Variants in ERBB4 observed in about 807,000 individuals in gnomAD.
ERBB4 encodes the protein erb-b2 receptor tyrosine kinase 4.
A neutral mutation model predicts 158.0 loss-of-function variants in ERBB4; 42 were observed. The observed-to-expected ratio is 0.27, with a 90% CI of 0.21 to 0.34. The LOEUF (loss-of-function observed/expected upper bound fraction) is 0.34. Among genes scored for constraint, ERBB4 ranks in the 10% least tolerant of loss-of-function variants. The pLI is 1.00. For synonymous variants in ERBB4, 583 were observed against 558.7 expected (o/e 1.04, Z -0.61); for missense variants, 1,333 against 1,624.1 (o/e 0.82, Z 3.08).
At chr2:212,255,553 G>A (rs1475233459) in intron 1 of ERBB4, among the ~76,000 whole-genome samples, 1 of 152,082 alleles carries the variant, frequency 6.6e-6, no homozygotes, top group African/African-American at 2.4e-5. Context: ...TAACCAAAAT[G>A]CTTGGGGCTG....
At position 211,925,376 on chromosome 2, in the gene ERBB4, C is replaced by CTTTT. The variant is rs71054150; in HGVS notation, c.421+22050_421+22053dup. Among the ~76,000 whole-genome samples, 321 of 81,570 alleles carry CTTTT rather than the reference C, an allele frequency of 3.9e-3. 6 individuals carry two copies. The highest frequency in any genetic ancestry group is 0.011 in the Middle Eastern group (1 of 90). 53.5% of individuals were successfully genotyped at this position (81,570 alleles called of 152,430 possible). A position where few individuals can be genotyped will look rare whatever the true frequency, so the allele number is the denominator to read the frequency against. On this transcript the variant is annotated intron_variant, in intron 3 of 27. Coordinates refer to ENST00000342788, the MANE Select transcript of ERBB4 (RefSeq NM_005235.3). Reference sequence around the variant, plus strand: ...CATATTTGAAACAAAAACAAGACTGCTTTTTTTTTTTTTTTTTTTTTTTTG... The same window carrying CTTTT: ...CATATTTGAAACAAAAACAAGACTGCTTTTTTTTTTTTTTTTTTTTTTTTTTTTG...
chr2:212,076,303 C>T (rs1267485427), intron 2 of ERBB4, among the ~76,000 whole-genome samples: 1 of 151,652 alleles, frequency 6.6e-6, no homozygotes, highest in East Asian at 1.9e-4. Context: ...AATTATCTTC[C>T]ATGTAAAGAG....
chr2:211,867,024 CAAAAAAAAAAAAA>C lies in ERBB4; in HGVS notation c.422-78878_422-78866del, dbSNP rs386392490. 9.6e-4 allele frequency among the ~76,000 whole-genome samples: 58 copies of C among 60,634 alleles called. No homozygotes were observed. The South Asian group carries it at 0.037, about 39-fold the overall frequency. 39.8% of individuals were successfully genotyped at this position (60,634 alleles called of 152,430 possible). On this transcript the variant is annotated intron_variant, in intron 3 of 27. Transcript: ENST00000342788. ...TATTAAACTCTCCATTCCTTAAAAC[CAAAAAAAAAAAAA>C]AAAAAAAAAAAAAAGATCGTGTTCT...
At chr2:212,500,932 A>T (rs2106239117) in intron 1 of ERBB4, among the ~76,000 whole-genome samples, 1 of 152,110 alleles carries the variant, frequency 6.6e-6, no homozygotes, top group East Asian at 1.9e-4. Context: ...TCAATATACT[A>T]ACTCTGTTCT....
intron 2 of ERBB4, among the ~76,000 whole-genome samples, chr2:211,997,494 T>C (rs1439464473): frequency 6.6e-6 from 1 of 152,168 alleles, no homozygotes; most frequent in African/African-American, 2.4e-5. Context: ...CTTAAATGTT[T>C]ATAAATAATA....
intron 1 of ERBB4, among the ~76,000 whole-genome samples, chr2:212,312,369 T>G (rs1219131751): frequency 2.6e-5 from 4 of 151,006 alleles, no homozygotes; most frequent in African/African-American, 4.8e-5. Context: ...TTTTCAAGAC[T>G]CATTGAATTA....
intron 18 of ERBB4, among the ~76,000 whole-genome samples, chr2:211,623,678 G>GA (rs1161174351): frequency 6.6e-6 from 1 of 152,046 alleles, no homozygotes; most frequent in African/African-American, 2.4e-5. Context: ...AAGGTATTAA[G>GA]AAAAAAACTA....
At chr2:212,110,564 TA>T (rs1401261321) in intron 2 of ERBB4, among the ~76,000 whole-genome samples, 1 of 152,316 alleles carries the variant, frequency 6.6e-6, no homozygotes, top group East Asian at 1.9e-4. Flanking sequence ...ACCACCACAC[TA>T]AGGCGAAGTC....
intron 20 of ERBB4, among the ~76,000 whole-genome samples, chr2:211,517,971 A>G (rs1397564254): frequency 6.6e-6 from 1 of 152,000 alleles, no homozygotes; most frequent in African/African-American, 2.4e-5. Flanking sequence ...CCATCACTTC[A>G]TTTCTTTATT....
chr2:212,096,041 T>A (rs910664620), intron 2 of ERBB4, among the ~76,000 whole-genome samples: 3 of 151,822 alleles, frequency 2.0e-5, no homozygotes, highest in Non-Finnish European at 2.9e-5. Context: ...TGTTCTAATA[T>A]TTTGATCAAA....
Position 212,026,621 on chromosome 2 carries a change from T to C in ERBB4, c.235-79005A>G, listed in dbSNP as rs567421626. ...TATTAAAAATCAGTGTACATGATGC[T>C]AAATGGTGGGCACAATCTTTCAAAA... On this transcript the variant is annotated intron_variant, in intron 2 of 27. Coordinates refer to ENST00000342788, the MANE Select transcript of ERBB4 (RefSeq NM_005235.3). 1.6e-4 allele frequency among the ~76,000 whole-genome samples: 25 copies of C among 152,062 alleles called. No homozygotes were observed. In the South Asian group the frequency reaches 5.0e-3, roughly 30 times the overall value.
At chr2:212,530,765 G>A (rs555218033) in intron 1 of ERBB4, among the ~76,000 whole-genome samples, 7 of 152,124 alleles carry the variant, frequency 4.6e-5, no homozygotes, top group Non-Finnish European at 8.8e-5. Context: ...ACCTATACTA[G>A]AAGCACATGG....
rs570729030 is a variant in ERBB4, at chr2:211,947,376, A to G, written c.421+54T>C. 23 of 1,393,706 alleles carry G rather than the reference A, an allele frequency of 1.7e-5. No individual in the cohort carries two copies. The South Asian group carries it at 1.7e-4, about 11-fold the overall frequency. The allele number at this position is 1,393,706 out of a possible 1,614,324, so 86.3% of individuals were successfully genotyped here. ...ATATGACAGTAACCCTACATATACAATTGCCTTATATTGATAATGAAAGCA... is the reference window on the plus strand; with the variant it reads ...ATATGACAGTAACCCTACATATACAGTTGCCTTATATTGATAATGAAAGCA... On this transcript the variant is annotated intron_variant, in intron 3 of 27. Transcript: ENST00000342788.
intron 1 of ERBB4, among the ~76,000 whole-genome samples, chr2:212,153,689 A>G (rs1186084933): frequency 3.3e-5 from 5 of 152,142 alleles, no homozygotes; most frequent in African/African-American, 7.2e-5. Context: ...CTAACCTAAT[A>G]TTATAATTTG....
intron 10 of ERBB4, among the ~76,000 whole-genome samples, chr2:211,705,025 T>C (rs1383311516): frequency 6.6e-5 from 10 of 152,244 alleles, no homozygotes; most frequent in Admixed American, 2.0e-4. Flanking sequence ...AGCGTGATCT[T>C]GGCTCACTGC....
chr2:211,561,935 G>C lies in ERBB4; in HGVS notation c.2455C>G (p.Leu819Val), dbSNP rs778661906. ...ATCTGGACACACCAGTTAAGCAGCA[G>C]TTGTGATCCAATGTTATCCTTGTGC... ...HEHKDNIGSQ[L>V]LLNWCVQIAK... Residue 819 changes from leucine (L) to valine (V), a missense_variant, in exon 20 of 28, where the codon CTG becomes GTG. Transcript: ENST00000342788. 6.2e-7 allele frequency: 1 copy of C among 1,614,126 alleles called. No homozygotes were observed. Among genetic ancestry groups the C allele is most frequent in the East Asian group, 2.2e-5 (1 of 44,884 alleles).
At chr2:212,048,263 T>C (rs897352642) in intron 2 of ERBB4, among the ~76,000 whole-genome samples, 6 of 152,182 alleles carry the variant, frequency 3.9e-5, no homozygotes, top group Middle Eastern at 3.2e-3. Flanking sequence ...TTACTTTAAG[T>C]GCAATGGGAA....
At chr2:211,808,230 G>A (rs2076664872) in intron 3 of ERBB4, among the ~76,000 whole-genome samples, 1 of 152,104 alleles carries the variant, frequency 6.6e-6, no homozygotes, top group South Asian at 2.1e-4. Flanking sequence ...GTATTGCCTA[G>A]GTTTTCTCCT....
chr2:211,484,896 C>T (rs2125556421), intron 20 of ERBB4, among the ~76,000 whole-genome samples: 1 of 152,294 alleles, frequency 6.6e-6, no homozygotes, highest in East Asian at 1.9e-4. Flanking sequence ...CATGTATCCT[C>T]ACAACCTGGA....
Sources: allele counts gnomAD v4.1 joint callset (sites outside exome capture counted in the v4.1 genomes callset), GRCh38; gene constraint gnomAD v4.1.1; transcripts MANE v1.5; gene names NCBI Gene and HGNC (gene_info 2026-07-23, HGNC 2026-07-21).